CNTNAP5: variants seen among roughly 807,000 people sequenced by gnomAD.
The protein encoded by CNTNAP5 is contactin associated protein family member 5.
In CNTNAP5, 72 loss-of-function variants were observed where a neutral mutation model predicts 150.2. The ratio of observed to expected loss-of-function variants is 0.48; its 90% confidence interval spans 0.40 to 0.58. CNTNAP5 has a LOEUF of 0.58. Among genes scored for constraint, CNTNAP5 ranks in the 20% least tolerant of loss-of-function variants. The pLI is 0.00. For missense variants in CNTNAP5, 1,636 were observed against 1,626.2 expected, an observed-to-expected ratio of 1.01 and a Z score of -0.10; for synonymous variants, 672 against 619.8, an observed-to-expected ratio of 1.08 and a Z score of -1.25.
At chr2:124,674,682 G>A (rs1558730780) in intron 13 of CNTNAP5, among the ~76,000 whole-genome samples, 1 of 151,060 alleles carries the variant, frequency 6.6e-6, no homozygotes, top group African/African-American at 2.4e-5. Flanking sequence ...GGTATGTTCT[G>A]CTTTTGTTCT....
At position 124,916,273 on chromosome 2, in the gene CNTNAP5, C is replaced by G. The variant is rs1308583357; in HGVS notation, c.*1985C>G. Among the ~76,000 whole-genome samples the G allele has an allele frequency of 6.6e-6, 1 of 152,050 alleles. No homozygotes were observed. Among genetic ancestry groups the G allele is most frequent in the East Asian group, 1.9e-4 (1 of 5,168 alleles). ...TGATTTTAACCATGATATCATTTCT[C>G]TCCTTTTAGTTTTAATAAGATGAAT... On this transcript the variant is annotated 3_prime_UTR_variant, in exon 24 of 24. Transcript: ENST00000682447.
intron 1 of CNTNAP5, among the ~76,000 whole-genome samples, chr2:124,214,120 C>T (rs535540933): frequency 6.6e-5 from 10 of 152,190 alleles, no homozygotes; most frequent in African/African-American, 1.7e-4. Flanking sequence ...ATGGTCTCCC[C>T]GTTGCAGCTG....
intron 6 of CNTNAP5, among the ~76,000 whole-genome samples, chr2:124,455,725 G>C (rs1021410165): frequency 6.6e-6 from 1 of 152,124 alleles, no homozygotes; most frequent in Non-Finnish European, 1.5e-5. Flanking sequence ...CCATGATCAA[G>C]TGGGATTCAT....
Position 124,730,089 on chromosome 2 carries a change from C to T in CNTNAP5, c.2078-17140C>T, listed in dbSNP as rs539737933. Among the ~76,000 whole-genome samples, 13 of 152,048 alleles carry T rather than the reference C, an allele frequency of 8.5e-5. 1 individual carries two copies. In the South Asian group the frequency reaches 2.7e-3, roughly 32 times the overall value. ...TATTTCCAATCACTTAGCTTTTTCT[C>T]GTGATAGCAACAAAATGACTTCTTG... On this transcript the variant is annotated intron_variant, in intron 13 of 23. Transcript: ENST00000682447.
Position 124,713,277 on chromosome 2 carries a change from C to A in CNTNAP5, c.2078-33952C>A, listed in dbSNP as rs1160735392. 1.9e-5 allele frequency among the ~76,000 whole-genome samples: 2 copies of A among 106,288 alleles called. 1 individual carries two copies. Among genetic ancestry groups the A allele is most frequent in the South Asian group, 7.4e-4 (2 of 2,714 alleles). 69.7% of individuals were successfully genotyped at this position (106,288 alleles called of 152,430 possible). On this transcript the variant is annotated intron_variant, in intron 13 of 23. Coordinates refer to ENST00000682447, the MANE Select transcript of CNTNAP5 (RefSeq NM_001367498.1). ...TCTTTCTTTCTTTCTTTCTTTCTTT[C>A]TTTCTTTCTTTCTTTCTTTCTTTCT...
rs72839476 is a variant in CNTNAP5 at position 124,388,007 on chromosome 2, A to T, written c.382-29436A>T. On this transcript the variant is annotated intron_variant, in intron 3 of 23. Coordinates refer to ENST00000682447, the MANE Select transcript of CNTNAP5 (RefSeq NM_001367498.1). Reference sequence around the variant, plus strand: ...GGGAAAGTCATTCTAAAGGGGTGACATTTCAAACTAGCCACCTCTCCTCAT... The same window carrying T: ...GGGAAAGTCATTCTAAAGGGGTGACTTTTCAAACTAGCCACCTCTCCTCAT... 4.0e-3 allele frequency among the ~76,000 whole-genome samples: 596 copies of T among 148,362 alleles called. 1 individual carries two copies. The highest frequency in any genetic ancestry group is 5.4e-3 in the Non-Finnish European group (365 of 68,016).
intron 7 of CNTNAP5, among the ~76,000 whole-genome samples, chr2:124,491,751 G>T (rs2104850420): frequency 6.6e-6 from 1 of 151,182 alleles, no homozygotes; most frequent in African/African-American, 2.4e-5. Context: ...ACCAATACTT[G>T]TACCTTTTTT....
rs775170203 is a variant in CNTNAP5, at chr2:124,780,828, A to C, written c.2752+7811A>C. Among the ~76,000 whole-genome samples, 17 of 152,350 alleles carry C rather than the reference A, an allele frequency of 1.1e-4. 1 individual carries two copies. Among genetic ancestry groups the C allele is most frequent in the Non-Finnish European group, 2.4e-4 (16 of 68,040 alleles). On this transcript the variant is annotated intron_variant, in intron 17 of 23. Transcript: ENST00000682447. ...TTGCAATGCCTTCTGGGCAGTCAGG[A>C]TTTGGCCTCAGCCACTGACCTTCTC...
intron 13 of CNTNAP5, among the ~76,000 whole-genome samples, chr2:124,733,165 T>C (rs534029166): frequency 3.0e-4 from 46 of 152,036 alleles, no homozygotes; most frequent in African/African-American, 1.0e-3. Context: ...CACACACACA[T>C]AGCACAGTAG....
chr2:124,121,125 G>C lies in CNTNAP5; in HGVS notation c.82+95393G>C, dbSNP rs900125249. Among the ~76,000 whole-genome samples, 7 of 147,438 alleles carry C rather than the reference G, an allele frequency of 4.7e-5. No individual in the cohort carries two copies. The East Asian group carries it at 1.4e-3, about 30-fold the overall frequency. On this transcript the variant is annotated intron_variant, in intron 1 of 23. Coordinates refer to ENST00000682447, the MANE Select transcript of CNTNAP5 (RefSeq NM_001367498.1). ...TATCTTAAAAGCATGGAAGCTTTTGGTCTTATTGCCATACACACACACACA... is the reference window on the plus strand; with the variant it reads ...TATCTTAAAAGCATGGAAGCTTTTGCTCTTATTGCCATACACACACACACA...
At chr2:124,574,097 G>A (rs140134869) in intron 11 of CNTNAP5, among the ~76,000 whole-genome samples, 17 of 152,156 alleles carry the variant, frequency 1.1e-4, no homozygotes, top group Non-Finnish European at 1.9e-4. Context: ...TTATACTATA[G>A]ACTACCAAAT....
chr2:124,653,915 C>A (rs1020325727), intron 13 of CNTNAP5, among the ~76,000 whole-genome samples: 6 of 134,502 alleles, frequency 4.5e-5, no homozygotes, highest in South Asian at 2.7e-4. Flanking sequence ...CCCCCAACCC[C>A]CCCCCCCCGC....
At position 124,772,901 on chromosome 2, in the gene CNTNAP5, G is replaced by A. The variant is rs781364259; in HGVS notation, c.2636G>A (p.Arg879Gln). Residue 879 changes from arginine to glutamine, a missense_variant, in exon 17 of 24, where the codon CGG (arginine) becomes CAG (glutamine). Coordinates refer to ENST00000682447, the MANE Select transcript of CNTNAP5 (RefSeq NM_001367498.1). The part of the protein sequence containing the change: ...LLNDNQWHYV[R>Q]AERNLKETSL... ...AATGACAACCAATGGCACTATGTCC[G>A]GGCTGAGAGGAACCTCAAGGAGACC... The A allele has an allele frequency of 2.5e-5, 41 of 1,613,424 alleles. No homozygotes were observed. The highest frequency in any genetic ancestry group is 4.0e-5 in the African/African-American group (3 of 74,846).
chr2:124,532,017 A>G (rs1380326211), intron 10 of CNTNAP5, among the ~76,000 whole-genome samples: 2 of 152,132 alleles, frequency 1.3e-5, no homozygotes, highest in Non-Finnish European at 2.9e-5. Flanking sequence ...AATGGTTTAC[A>G]GTTTACAGAT....
At chr2:124,889,123 C>T (rs1322165538) in intron 21 of CNTNAP5, among the ~76,000 whole-genome samples, 2 of 117,888 alleles carry the variant, frequency 1.7e-5, no homozygotes, top group Admixed American at 1.1e-4. Context: ...AAGAATCTCG[C>T]TTTGTCACCC....
intron 1 of CNTNAP5, among the ~76,000 whole-genome samples, chr2:124,216,402 A>G (rs890415633): frequency 4.6e-5 from 7 of 151,998 alleles, no homozygotes; most frequent in African/African-American, 1.7e-4. Context: ...TAAAATTATT[A>G]TTATACTTTA....
At chr2:124,243,327 T>C (rs917013091) in intron 3 of CNTNAP5, among the ~76,000 whole-genome samples, 2 of 151,764 alleles carry the variant, frequency 1.3e-5, no homozygotes, top group African/African-American at 4.9e-5. Context: ...ATACTTTACA[T>C]TAGTGTTGTC....
chr2:124,702,346 C>CTTTTTTTTTTTTTTTTTTTTTT (rs71412792), intron 13 of CNTNAP5, among the ~76,000 whole-genome samples: 1 of 52,250 alleles, frequency 1.9e-5, no homozygotes, highest in Non-Finnish European at 3.3e-5. Context: ...ACTATGAACA[C>CTTTTTTTTTTTTTTTTTTTTTT]TTTTTTTTTT....
intron 12 of CNTNAP5, among the ~76,000 whole-genome samples, chr2:124,627,638 C>G (rs978492040): frequency 2.6e-5 from 4 of 152,010 alleles, no homozygotes; most frequent in African/African-American, 9.7e-5. Flanking sequence ...CTGAAAAATC[C>G]CAAAAGTCAA....
Sources: gnomAD v4.1 joint callset for allele counts (sites outside exome capture counted in the v4.1 genomes callset) on GRCh38, gnomAD v4.1.1 for gene constraint, MANE v1.5 for transcripts, NCBI Gene and HGNC (gene_info 2026-07-23, HGNC 2026-07-21) for gene names.